GPR158: variants seen among roughly 807,000 people sequenced by gnomAD.
GPR158 encodes the protein metabotropic glycine receptor.
A neutral mutation model predicts 78.2 loss-of-function variants in GPR158; 30 were observed. The ratio of observed to expected loss-of-function variants is 0.38; its 90% CI spans 0.29 to 0.52. GPR158 has a LOEUF of 0.52. Among genes scored for constraint, GPR158 ranks in the 20% least tolerant of loss-of-function variants. The probability of loss-of-function intolerance (pLI) is 0.83; values close to 1 mark genes in which losing one functional copy is unlikely to be tolerated. For missense variants in GPR158, 1,463 were observed against 1,523.5 expected (o/e 0.96, Z 0.66); for synonymous variants, 581 against 591.1 (o/e 0.98, Z 0.25).
chr10:25,477,931 G>T (rs1835611399), intron 5 of GPR158, among the ~76,000 whole-genome samples: 5 of 152,102 alleles, frequency 3.3e-5, no homozygotes, highest in Non-Finnish European at 7.4e-5. Flanking sequence ...TATAGTGTAG[G>T]TTAGAGAAAT....
At chr10:25,373,210 A>G (rs571571457) in intron 2 of GPR158, among the ~76,000 whole-genome samples, 7 of 151,938 alleles carry the variant, frequency 4.6e-5, no homozygotes, top group South Asian at 2.1e-4. Context: ...AATACTGCAT[A>G]TTGTCGTTTA....
chr10:25,419,409 T>G (rs1414928723), intron 4 of GPR158, among the ~76,000 whole-genome samples: 10 of 152,216 alleles, frequency 6.6e-5, no homozygotes, highest in Non-Finnish European at 1.5e-5. Context: ...GATGGCCATT[T>G]GAGTTGTTTC....
At position 25,244,390 on chromosome 10, in the gene GPR158, A is replaced by G. The variant is rs75891609; in HGVS notation, c.1008+23233A>G. 7.2e-5 allele frequency among the ~76,000 whole-genome samples: 11 copies of G among 152,278 alleles called. No individual in the cohort carries two copies. The East Asian group carries it at 2.1e-3, about 29-fold the overall frequency. ...TTCTTTATAGGATCCTTTTCTCTCCATCAGATTTTAAGGTAGGAGTATCAT... is the reference window on the plus strand; with the variant it reads ...TTCTTTATAGGATCCTTTTCTCTCCGTCAGATTTTAAGGTAGGAGTATCAT... On this transcript the variant is annotated intron_variant, in intron 2 of 10. Transcript: ENST00000376351.
intron 2 of GPR158, among the ~76,000 whole-genome samples, chr10:25,252,920 C>G (rs1416307626): frequency 2.2e-4 from 34 of 152,336 alleles, no homozygotes; most frequent in East Asian, 9.7e-4. Context: ...AGCCTCGCTG[C>G]CGCCTTGCAG....
At chr10:25,193,989 C>T (rs535468637) in intron 1 of GPR158, among the ~76,000 whole-genome samples, 13 of 152,064 alleles carry the variant, frequency 8.5e-5, no homozygotes, top group Middle Eastern at 3.5e-3. Flanking sequence ...TTTCAAGACA[C>T]ACATAGCAGT....
intron 5 of GPR158, among the ~76,000 whole-genome samples, chr10:25,490,703 T>A (rs1292673524): frequency 6.8e-6 from 1 of 145,992 alleles, no homozygotes. Context: ...TGTTGGACAT[T>A]TGGGTTGCTT....
intron 2 of GPR158, among the ~76,000 whole-genome samples, chr10:25,331,641 G>C (rs913198999): frequency 6.6e-6 from 1 of 152,200 alleles, no homozygotes; most frequent in African/African-American, 2.4e-5. Flanking sequence ...CAATGACTCT[G>C]TAAATATCTG....
At chr10:25,469,932 C>T (rs1835475231) in intron 5 of GPR158, among the ~76,000 whole-genome samples, 1 of 151,958 alleles carries the variant, frequency 6.6e-6, no homozygotes, top group African/African-American at 2.4e-5. Context: ...TCCATGCTAG[C>T]CGCCTAGAAT....
intron 4 of GPR158, among the ~76,000 whole-genome samples, chr10:25,442,773 C>T (rs11014559): frequency 0.19 from 29,469 of 151,772 alleles, 3,625 homozygotes; most frequent in African/African-American, 0.36. Flanking sequence ...AGCGTCGAAT[C>T]GATTCTCTTT....
chr10:25,581,884 T>C (rs910222570), intron 7 of GPR158, among the ~76,000 whole-genome samples: 6 of 152,070 alleles, frequency 3.9e-5, no homozygotes, highest in African/African-American at 1.2e-4. Context: ...TGAGACTGGG[T>C]AATTTACTTA....
chr10:25,351,419 T>G (rs186195044), intron 2 of GPR158, among the ~76,000 whole-genome samples: 18 of 124,896 alleles, frequency 1.4e-4, no homozygotes, highest in Non-Finnish European at 9.5e-5. Context: ...CCTGGGGAAC[T>G]GGAGTTGGGG....
At chr10:25,411,998 T>A (rs932645352) in intron 3 of GPR158, among the ~76,000 whole-genome samples, 2 of 143,102 alleles carry the variant, frequency 1.4e-5, no homozygotes, top group Non-Finnish European at 3.0e-5. Context: ...CCTGCCCTCA[T>A]GAAGCTTTAT....
At chr10:25,336,658 G>C (rs796741469) in intron 2 of GPR158, among the ~76,000 whole-genome samples, 1 of 152,018 alleles carries the variant, frequency 6.6e-6, no homozygotes, top group South Asian at 2.1e-4. Context: ...AATGGAAAAG[G>C]CCTCCTTTTC....
chr10:25,428,018 T>G (rs1834847487), intron 4 of GPR158, among the ~76,000 whole-genome samples: 2 of 152,020 alleles, frequency 1.3e-5, no homozygotes, highest in Non-Finnish European at 2.9e-5. Flanking sequence ...GTCATACCTC[T>G]TACTAAAAGA....
chr10:25,258,192 A>G (rs554250543), intron 2 of GPR158, among the ~76,000 whole-genome samples: 13 of 152,350 alleles, frequency 8.5e-5, no homozygotes, highest in Non-Finnish European at 1.8e-4. Context: ...AGTGTAAGCA[A>G]CTGCTTATTT....
chr10:25,209,473 C>T (rs1164617342), intron 1 of GPR158, among the ~76,000 whole-genome samples: 5 of 151,500 alleles, frequency 3.3e-5, no homozygotes, highest in Admixed American at 6.6e-5. Flanking sequence ...TTTTTCTTCC[C>T]ACTAAACCAG....
intron 4 of GPR158, among the ~76,000 whole-genome samples, chr10:25,450,002 C>T: frequency 1.1e-5 from 1 of 88,622 alleles, no homozygotes; most frequent in South Asian, 4.5e-4. Flanking sequence ...TAAAAATGAT[C>T]AGAAAAAAAA....
chr10:25,584,693 G>A (rs1365752215), intron 7 of GPR158, among the ~76,000 whole-genome samples: 1 of 152,128 alleles, frequency 6.6e-6, no homozygotes, highest in East Asian at 1.9e-4. Flanking sequence ...CCATTCTTTT[G>A]TGCCAGGCAC....
intron 2 of GPR158, among the ~76,000 whole-genome samples, chr10:25,249,016 G>C (rs1001258317): frequency 1.3e-5 from 2 of 150,814 alleles, no homozygotes; most frequent in African/African-American, 4.9e-5. Flanking sequence ...AGTTCTCCTT[G>C]AAGAGGTCCT....
Sources: allele counts gnomAD v4.1 joint callset (sites outside exome capture counted in the v4.1 genomes callset), GRCh38; gene constraint gnomAD v4.1.1; transcripts MANE v1.5; gene names NCBI Gene and HGNC (gene_info 2026-07-23, HGNC 2026-07-21).